The following SCN8A variants were observed in gnomAD, a reference collection of about 807,000 sequenced individuals.
SCN8A encodes the protein sodium voltage-gated channel alpha subunit 8.
In SCN8A, 30 loss-of-function variants were observed where a neutral mutation model predicts 184.1. The ratio of observed to expected loss-of-function variants is 0.16; its 90% CI spans 0.12 to 0.22. The LOEUF is 0.22. Among genes scored for constraint, SCN8A ranks in the 10% least tolerant of loss-of-function variants. SCN8A has a pLI of 1.00. For synonymous variants in SCN8A, 852 were observed against 907.0 expected, an observed-to-expected ratio of 0.94 and a Z score of 1.09; for missense variants, 1,057 against 2,498.9, an observed-to-expected ratio of 0.42 and a Z score of 12.30.
chr12:51,768,804 C>G, intron 16 of SCN8A, 61 bp from the exon 17 acceptor site: 3 of 1,416,926 alleles, frequency 2.1e-6, no homozygotes, highest in Non-Finnish European at 2.8e-6. Context: ...CAGTTTGCAA[C>G]CCTGAGTTCG....
intron 20 of SCN8A, among the ~76,000 whole-genome samples, chr12:51,776,902 T>A (rs1358169444): frequency 1.3e-5 from 2 of 152,344 alleles, no homozygotes; most frequent in East Asian, 3.9e-4. Flanking sequence ...CTTTTCAGAG[T>A]CATGGGATTA....
At chr12:51,692,633 A>G (rs1300207580) in intron 6 of SCN8A, among the ~76,000 whole-genome samples, 1 of 152,206 alleles carries the variant, frequency 6.6e-6, no homozygotes, top group East Asian at 1.9e-4. Flanking sequence ...TCACCTTGAC[A>G]TTGAAATATT....
intron 15 of SCN8A, 112 bp downstream of exon 15, chr12:51,762,788 CCCAATT>C (rs1942781592): frequency 1.0e-6 from 1 of 972,366 alleles, no homozygotes; most frequent in South Asian, 2.6e-5. Flanking sequence ...GTATTTTACT[CCCAATT>C]CCAGTTATTT....
At chr12:51,600,871 A>G (rs1458068836) in intron 1 of SCN8A, among the ~76,000 whole-genome samples, 4 of 152,208 alleles carry the variant, frequency 2.6e-5, no homozygotes, top group Non-Finnish European at 5.9e-5. Context: ...AGTTCTTGCA[A>G]ATTCCATTAC....
intron 9 of SCN8A, among the ~76,000 whole-genome samples, chr12:51,705,011 C>T (rs1405738097): frequency 1.3e-5 from 2 of 152,046 alleles, no homozygotes; most frequent in Non-Finnish European, 2.9e-5. Flanking sequence ...ATGGGATTTC[C>T]TTCAACTTGG....
intron 12 of SCN8A, chr12:51,722,560 A>AAGATGTCAT: frequency 6.6e-6 from 1 of 152,556 alleles, no homozygotes; most frequent in East Asian, 1.9e-4. Context: ...ATGTGATGTC[A>AAGATGTCAT]GGGTGGGAGG....
At chr12:51,731,451 A>C (rs1345706693) in intron 12 of SCN8A, among the ~76,000 whole-genome samples, 1 of 151,186 alleles carries the variant, frequency 6.6e-6, no homozygotes, top group Non-Finnish European at 1.5e-5. Context: ...GGGTTTTACC[A>C]TATTGGCCAG....
chr12:51,789,189 G>A, intron 23 of SCN8A, 92 bp from the exon 24 acceptor site: 1 of 1,389,474 alleles, frequency 7.2e-7, no homozygotes, highest in Non-Finnish European at 1.0e-6. Context: ...ATGTTTAGCA[G>A]CTCAAATGGT....
At chr12:51,699,938 A>T (rs1185596809) in intron 7 of SCN8A, 147 bp downstream of exon 7, 1 of 628,896 alleles carries the variant, frequency 1.6e-6, no homozygotes, top group Admixed American at 2.9e-5. Context: ...AGGCTGAGGC[A>T]GGTGGATCAC....
chr12:51,636,169 T>C (rs1206058208), intron 1 of SCN8A, among the ~76,000 whole-genome samples: 1 of 152,172 alleles, frequency 6.6e-6, no homozygotes, highest in Non-Finnish European at 1.5e-5. Context: ...TAATTTTTTT[T>C]CTATTTTTAG....
intron 12 of SCN8A, among the ~76,000 whole-genome samples, chr12:51,734,824 C>T (rs757833768): frequency 5.9e-4 from 90 of 152,180 alleles, no homozygotes; most frequent in Non-Finnish European, 1.1e-3. Flanking sequence ...AGAAAAACAA[C>T]GTAGATTAAA....
chr12:51,651,064 A>G (rs1310052903), intron 1 of SCN8A, among the ~76,000 whole-genome samples: 6 of 152,190 alleles, frequency 3.9e-5, no homozygotes, highest in South Asian at 2.1e-4. Flanking sequence ...TGCTCATGCT[A>G]TTGTTTGTGG....
chr12:51,615,639 C>T (rs1565860255), intron 1 of SCN8A, among the ~76,000 whole-genome samples: 1 of 151,936 alleles, frequency 6.6e-6, no homozygotes, highest in Non-Finnish European at 1.5e-5. Context: ...ATACATATTG[C>T]ATCTACATGC....
At chr12:51,596,179 A>C (rs1036707315) in intron 1 of SCN8A, among the ~76,000 whole-genome samples, 2 of 152,196 alleles carry the variant, frequency 1.3e-5, no homozygotes, top group African/African-American at 4.8e-5. Context: ...TGTCTTCAGC[A>C]CCATTTTAGG....
chr12:51,792,488 C>CAAAAAAA (rs71092723), intron 25 of SCN8A, among the ~76,000 whole-genome samples: 4 of 51,596 alleles, frequency 7.8e-5, no homozygotes, highest in South Asian at 1.1e-3. Flanking sequence ...GACCCTATCT[C>CAAAAAAA]AAAAAAAAAA....
Position 51,769,352 on chromosome 12 carries a change from G to A in SCN8A, c.3372+17G>A, listed in dbSNP as rs1279774155. The A allele has an allele frequency of 6.4e-7, 1 of 1,550,774 alleles. No individual in the cohort carries two copies. Among genetic ancestry groups the A allele is most frequent in the South Asian group, 1.2e-5 (1 of 81,626 alleles). ...AGCAAAGATGTAAGGTCCCAGCCTA[G>A]AAACAGCCTTGATCCTGTGTGAGAG... is the stretch of plus-strand genomic sequence containing the variant. On this transcript the variant is annotated intron_variant, in intron 17 of 26. Transcript: ENST00000627620.
rs141618192 is a variant in SCN8A, at chr12:51,714,227, T to C, written c.1636-7319T>C. On this transcript the variant is annotated intron_variant, in intron 11 of 26. Coordinates refer to ENST00000627620, the MANE Select transcript of SCN8A (RefSeq NM_001330260.2). Reference sequence around the variant, plus strand: ...TTCCAAAACTTAACAGTGACAATTATTTAAACAGTTAGTTGTGACGTGGAA... The same window carrying C: ...TTCCAAAACTTAACAGTGACAATTACTTAAACAGTTAGTTGTGACGTGGAA... Among the ~76,000 whole-genome samples the C allele has an allele frequency of 1.4e-3, 219 of 152,348 alleles. 1 individual carries two copies. Among genetic ancestry groups the C allele is most frequent in the Non-Finnish European group, 2.3e-3 (159 of 68,022 alleles).
chr12:51,769,308 C>T lies in SCN8A; in HGVS notation c.3345C>T (p.Ser1115=), dbSNP rs745966369. ...ACCTCAACACAGAGGATGTTAGCAG[C>T]GAGTCGGATCCTGAAGGCAGCAAAG... is the stretch of plus-strand genomic sequence containing the variant. ...FENLNTEDVS[S]ESDPEGSKDK... Residue 1115 remains serine (S), a synonymous_variant, in exon 17 of 27, where the codon AGC becomes AGT. Coordinates refer to ENST00000627620, the MANE Select transcript of SCN8A (RefSeq NM_001330260.2). 1.1e-5 allele frequency: 18 copies of T among 1,596,552 alleles called. No homozygotes were observed. The highest frequency in any genetic ancestry group is 2.2e-5 in the East Asian group (1 of 44,564).
chr12:51,774,912 C>A (rs866651942), intron 20 of SCN8A, among the ~76,000 whole-genome samples: 2 of 152,174 alleles, frequency 1.3e-5, no homozygotes, highest in Non-Finnish European at 2.9e-5. Context: ...TCTTCCCACA[C>A]GTTGCCATTC....
Sources: gnomAD v4.1 joint callset for allele counts (sites outside exome capture counted in the v4.1 genomes callset) on GRCh38, gnomAD v4.1.1 for gene constraint, MANE v1.5 for transcripts, NCBI Gene and HGNC (gene_info 2026-07-23, HGNC 2026-07-21) for gene names.